OLFM1: variants seen among roughly 807,000 people sequenced by gnomAD.
The protein encoded by OLFM1 is noelin.
In OLFM1, 9 loss-of-function variants were observed where a neutral mutation model predicts 49.7. The observed-to-expected ratio is 0.18, with a 90% CI of 0.11 to 0.32. The LOEUF is 0.32. Among genes scored for constraint, OLFM1 ranks in the 10% least tolerant of loss-of-function variants. The probability of loss-of-function intolerance (pLI) is 1.00; values close to 1 mark genes in which losing one functional copy is unlikely to be tolerated. For synonymous variants in OLFM1, 240 were observed against 271.8 expected, an observed-to-expected ratio of 0.88 and a Z score of 1.15; for missense variants, 369 against 661.8, an observed-to-expected ratio of 0.56 and a Z score of 4.85.
intron 3 of OLFM1, among the ~76,000 whole-genome samples, chr9:135,096,853 G>A (rs1193443344): frequency 6.6e-6 from 1 of 152,192 alleles, no homozygotes; most frequent in Non-Finnish European, 1.5e-5. Context: ...CCACCTCGTG[G>A]GAAGTGTTCT....
At position 135,120,235 on chromosome 9, in the gene OLFM1, A is replaced by G. The variant is rs1302375394; in HGVS notation, c.*57A>G. The G allele has an allele frequency of 3.7e-5, 53 of 1,432,586 alleles. No individual in the cohort carries two copies. Among genetic ancestry groups the G allele is most frequent in the Non-Finnish European group, 4.8e-5 (51 of 1,053,042 alleles). 88.7% of individuals were successfully genotyped at this position (1,432,586 alleles called of 1,614,324 possible). On this transcript the variant is annotated 3_prime_UTR_variant, in exon 6 of 6. Transcript: ENST00000371793. ...CCTCACCACAAAGGGACTCCTGTGAAACTGCTGCCAAAAAGATACCAATAA... is the reference window on the plus strand; with the variant it reads ...CCTCACCACAAAGGGACTCCTGTGAGACTGCTGCCAAAAAGATACCAATAA...
At chr9:135,112,635 G>A (rs985460438) in intron 5 of OLFM1, among the ~76,000 whole-genome samples, 8 of 152,220 alleles carry the variant, frequency 5.3e-5, no homozygotes, top group African/African-American at 1.9e-4. Context: ...TGGGTGACCC[G>A]TCCACCCAGT....
upstream of OLFM1, among the ~76,000 whole-genome samples, chr9:135,084,638 C>G (rs1830575531): frequency 6.6e-6 from 1 of 151,884 alleles, no homozygotes; most frequent in African/African-American, 2.4e-5. This position sits in a 1 kb window ranked among gnomAD's most constrained non-coding sequence, Gnocchi z 4.6. Flanking sequence ...CTTTCTTCCT[C>G]CCCTCCCCTT....
At chr9:135,108,725 G>A (rs769377653) in intron 5 of OLFM1, among the ~76,000 whole-genome samples, 7 of 152,068 alleles carry the variant, frequency 4.6e-5, no homozygotes, top group East Asian at 1.9e-4. Flanking sequence ...CCTTAATAGC[G>A]GGGGAAGGAC....
In OLFM1 at chr9:135,091,661, A is replaced by ACT. The variant is rs1415681296; in HGVS notation, c.300+1318_300+1319insTC. ...CACACACACTCACATAGTCACACAC[A>ACT]CACAGTCACACACTCACACATAGTC... On this transcript the variant is annotated intron_variant, in intron 2 of 5. Coordinates refer to ENST00000371793, the MANE Select transcript of OLFM1 (RefSeq NM_001282611.2). 6.6e-5 allele frequency among the ~76,000 whole-genome samples: 8 copies of ACT among 121,618 alleles called. 1 individual carries two copies. In the South Asian group the frequency reaches 1.4e-3, roughly 21 times the overall value. The allele number at this position is 121,618 out of a possible 152,430, so 79.8% of individuals were successfully genotyped here.
intron 5 of OLFM1, 75 bp from the exon 6 acceptor site, chr9:135,119,429 G>T: frequency 7.9e-7 from 1 of 1,263,458 alleles, no homozygotes; most frequent in Non-Finnish European, 1.1e-6. Flanking sequence ...TGGATCTTTG[G>T]AAGTGCTCAC....
chr9:135,118,443 G>T (rs541971655), intron 5 of OLFM1, among the ~76,000 whole-genome samples: 1 of 141,304 alleles, frequency 7.1e-6, no homozygotes, highest in Non-Finnish European at 1.5e-5. Flanking sequence ...TCTTTGGAGT[G>T]CTCACCAGGT....
chr9:135,076,979 A>G (rs754921303), intron 1 of OLFM1: 7 of 1,550,590 alleles, frequency 4.5e-6, no homozygotes, highest in South Asian at 2.4e-5. Flanking sequence ...CAGTGGGGTT[A>G]TGTCGTCCCG....
chr9:135,119,105 G>C (rs1831146751), intron 5 of OLFM1, among the ~76,000 whole-genome samples: 1 of 150,604 alleles, frequency 6.6e-6, no homozygotes, highest in African/African-American at 2.5e-5. Context: ...CCGGGCCTTT[G>C]GAAGTGCTCA....
chr9:135,086,789 C>G (rs1830602747), upstream of OLFM1: 1 of 448,334 alleles, frequency 2.2e-6, no homozygotes. Context: ...TGCCCTGCCT[C>G]TGTGCCTGGG....
chr9:135,106,881 G>A, intron 5 of OLFM1, 26 bp downstream of exon 5: 1 of 1,563,580 alleles, frequency 6.4e-7, no homozygotes, highest in South Asian at 1.2e-5. Context: ...TGTCATAGGG[G>A]GTCATTTGGG....
At chr9:135,109,872 T>C (rs1346004101) in intron 5 of OLFM1, among the ~76,000 whole-genome samples, 2 of 152,168 alleles carry the variant, frequency 1.3e-5, no homozygotes, top group African/African-American at 2.4e-5. Context: ...TCTGTGTTCG[T>C]GTGACCACAG....
intron 3 of OLFM1, among the ~76,000 whole-genome samples, chr9:135,097,598 AT>A (rs1361395451): frequency 3.3e-5 from 5 of 152,248 alleles, no homozygotes; most frequent in Admixed American, 6.5e-5. Flanking sequence ...CATTAAAAAA[AT>A]TCCAACAGAA....
chr9:135,076,446 G>T, intron 1 of OLFM1: 1 of 1,441,462 alleles, frequency 6.9e-7, no homozygotes, highest in East Asian at 2.5e-5. Flanking sequence ...CATTTCAAAC[G>T]GGCTTGTCGT....
Position 135,088,374 on chromosome 9 carries a change from C to T in OLFM1, c.150+235C>T, listed in dbSNP as rs1350941456. On this transcript the variant is annotated intron_variant, in intron 1 of 5. Transcript: ENST00000371793. This position sits in a 1 kb window ranked among gnomAD's most constrained non-coding sequence, Gnocchi z 4.8. ...CTCCGCCCGCGCGCCCCTGGGGCGGCGTTTCCTTCGTCTGGGCCCCTCGCC... is the reference window on the plus strand; with the variant it reads ...CTCCGCCCGCGCGCCCCTGGGGCGGTGTTTCCTTCGTCTGGGCCCCTCGCC... Among the ~76,000 whole-genome samples, 3 of 151,574 alleles carry T rather than the reference C, an allele frequency of 2.0e-5. No homozygotes were observed. Among genetic ancestry groups the T allele is most frequent in the African/African-American group, 7.3e-5 (3 of 41,304 alleles).
chr9:135,104,453 G>A (rs1219477265), intron 4 of OLFM1, among the ~76,000 whole-genome samples: 3 of 152,190 alleles, frequency 2.0e-5, no homozygotes, highest in African/African-American at 7.2e-5. Context: ...GTGTGGTTCC[G>A]GGCGTTAGTG....
At chr9:135,096,641 G>C (rs1160714113) in intron 3 of OLFM1, among the ~76,000 whole-genome samples, 2 of 152,348 alleles carry the variant, frequency 1.3e-5, no homozygotes, top group East Asian at 1.9e-4. Context: ...TCGAATATTA[G>C]CTGGGAAGGG....
At chr9:135,086,985 G>T (rs1395894694), upstream of OLFM1, among the ~76,000 whole-genome samples, 1 of 152,206 alleles carries the variant, frequency 6.6e-6, no homozygotes, top group Non-Finnish European at 1.5e-5. Context: ...CCGGGTGTGC[G>T]CCCTCCCAGG....
chr9:135,091,857 A>G (rs1425812710), intron 2 of OLFM1, among the ~76,000 whole-genome samples: 7 of 131,732 alleles, frequency 5.3e-5, no homozygotes, highest in African/African-American at 2.0e-4. Flanking sequence ...ACACATAGTC[A>G]CACACACTCA....
Sources: gnomAD v4.1 joint callset for allele counts (sites outside exome capture counted in the v4.1 genomes callset) on GRCh38, gnomAD v4.1.1 for gene constraint, Gnocchi (gnomAD v3.1) non-coding constraint, MANE v1.5 for transcripts, NCBI Gene and HGNC (gene_info 2026-07-23, HGNC 2026-07-21) for gene names.